Variants in KCNG3 observed in about 807,000 individuals in gnomAD.
KCNG3 encodes the protein voltage-gated potassium channel regulatory subunit KCNG3.
KCNG3 carries 15 observed loss-of-function variants against 29.0 expected under a neutral mutation model. The ratio of observed to expected loss-of-function variants is 0.52; its 90% CI spans 0.35 to 0.80. The LOEUF is 0.80. Ranked by LOEUF, KCNG3 falls within the 30% of genes least tolerant of loss-of-function variation. The pLI is 0.01. For missense variants in KCNG3, 512 were observed against 605.7 expected, an observed-to-expected ratio of 0.85 and a Z score of 1.62; for synonymous variants, 322 against 248.9, an observed-to-expected ratio of 1.29 and a Z score of -2.76.
chr2:42,478,680 C>T (rs981012941), intron 1 of KCNG3, among the ~76,000 whole-genome samples: 14 of 152,156 alleles, frequency 9.2e-5, no homozygotes, highest in South Asian at 2.1e-4. Flanking sequence ...GTTCTGTCCC[C>T]CACCTGCACT....
chr2:42,451,320 G>A (rs920486116), intron 1 of KCNG3, among the ~76,000 whole-genome samples: 1 of 151,224 alleles, frequency 6.6e-6, no homozygotes, highest in Admixed American at 6.6e-5. Context: ...ACACACACCT[G>A]TAATCTCAGC....
the KCNG3 span, among the ~76,000 whole-genome samples, chr2:42,429,048 G>A: frequency 3.3e-5 from 5 of 152,170 alleles, no homozygotes; most frequent in African/African-American, 4.8e-5. Context: ...GAACCCAGGA[G>A]GGGGAGGTTG....
chr2:42,395,146 C>T, the KCNG3 span, among the ~76,000 whole-genome samples: 3 of 152,152 alleles, frequency 2.0e-5, no homozygotes, highest in East Asian at 1.9e-4. Context: ...TCTAATTCAT[C>T]GGTTATAGAT....
chr2:42,455,726 T>C (rs1672860297), intron 1 of KCNG3, among the ~76,000 whole-genome samples: 1 of 151,968 alleles, frequency 6.6e-6, no homozygotes, highest in East Asian at 1.9e-4. Context: ...CTATGACTGC[T>C]CCATTACACT....
chr2:42,453,124 G>A (rs1040834114), intron 1 of KCNG3, among the ~76,000 whole-genome samples: 2 of 152,088 alleles, frequency 1.3e-5, no homozygotes, highest in Non-Finnish European at 2.9e-5. Context: ...CCAAATCTTG[G>A]CTAACATGAA....
the KCNG3 span, among the ~76,000 whole-genome samples, chr2:42,409,848 G>A: frequency 1.3e-5 from 2 of 151,018 alleles, no homozygotes; most frequent in Non-Finnish European, 2.9e-5. Context: ...TGGCTATAAC[G>A]TGATTGACAA....
At chr2:42,394,264 G>A in the KCNG3 span, among the ~76,000 whole-genome samples, 2 of 152,168 alleles carry the variant, frequency 1.3e-5, no homozygotes, top group African/African-American at 2.4e-5. Context: ...AACAAAAACT[G>A]CTAAAAAGGC....
At chr2:42,457,354 C>G (rs577951379) in intron 1 of KCNG3, among the ~76,000 whole-genome samples, 1 of 150,916 alleles carries the variant, frequency 6.6e-6, no homozygotes, top group African/African-American at 2.4e-5. Context: ...ATTAGCCAAG[C>G]ATGGGGGCAC....
At chr2:42,388,803 T>C in the KCNG3 span, 3 of 152,250 alleles carry the variant, frequency 2.0e-5, no homozygotes, top group African/African-American at 7.2e-5. Flanking sequence ...CCCAATAGTC[T>C]CACCCGCCTA....
intron 1 of KCNG3, among the ~76,000 whole-genome samples, chr2:42,487,347 CTT>C (rs60025476): frequency 0.53 from 61,943 of 116,854 alleles, 15,517 homozygotes; most frequent in African/African-American, 0.68. Context: ...TTTTTTCTTT[CTT>C]TTTTTTTTTT....
chr2:42,460,824 AC>A (rs972112071), intron 1 of KCNG3, among the ~76,000 whole-genome samples: 12 of 152,258 alleles, frequency 7.9e-5, no homozygotes, highest in African/African-American at 2.9e-4. Flanking sequence ...AAAACATCTT[AC>A]AAAAAAATGG....
rs1672501867 is a variant in KCNG3, at chr2:42,442,195, A to G, written c.*1739T>C. On this transcript the variant is annotated 3_prime_UTR_variant, in exon 2 of 2. Transcript: ENST00000306078. ...TAACTGAATTTCTTTTGGGTATGTA[A>G]GAAGTAGCATACTAGCAGTAATAGG... 6.6e-6 allele frequency: 1 copy of G among 152,222 alleles called. No homozygotes were observed. The highest frequency in any genetic ancestry group is 2.1e-4 in the South Asian group (1 of 4,834). 9.4% of individuals were successfully genotyped at this position (152,222 alleles called of 1,614,324 possible).
intron 1 of KCNG3, among the ~76,000 whole-genome samples, chr2:42,477,388 T>TACACACACACACAC (rs1210808896): frequency 2.8e-4 from 29 of 104,782 alleles, no homozygotes; most frequent in African/African-American, 9.9e-4. Flanking sequence ...CACATATATA[T>TACACACACACACAC]ACACACACAC....
chr2:42,413,398 T>C, the KCNG3 span, among the ~76,000 whole-genome samples: 62 of 152,280 alleles, frequency 4.1e-4, no homozygotes, highest in African/African-American at 1.5e-3. Context: ...TGGATATAGA[T>C]TGGCCATCTT....
chr2:42,454,802 A>G (rs1387982563), intron 1 of KCNG3, among the ~76,000 whole-genome samples: 2 of 152,236 alleles, frequency 1.3e-5, no homozygotes, highest in Non-Finnish European at 2.9e-5. Flanking sequence ...CAAAAAGACA[A>G]ATACACTGTG....
the KCNG3 span, among the ~76,000 whole-genome samples, chr2:42,414,910 C>T: frequency 6.6e-6 from 1 of 152,220 alleles, no homozygotes; most frequent in Non-Finnish European, 1.5e-5. Context: ...GATCTTACTT[C>T]ACTGATACCA....
chr2:42,403,622 T>C, the KCNG3 span, among the ~76,000 whole-genome samples: 1 of 73,930 alleles, frequency 1.4e-5, no homozygotes, highest in Non-Finnish European at 2.6e-5. Context: ...CTTTTTTTTC[T>C]TTTTTTTTTT....
chr2:42,449,064 T>C (rs1672681619), intron 1 of KCNG3, among the ~76,000 whole-genome samples: 1 of 152,124 alleles, frequency 6.6e-6, no homozygotes, highest in South Asian at 2.1e-4. Context: ...CTGAGGGACT[T>C]GAGTATGTTC....
the KCNG3 span, among the ~76,000 whole-genome samples, chr2:42,415,261 C>G: frequency 1.3e-5 from 2 of 152,264 alleles, no homozygotes; most frequent in South Asian, 4.1e-4. Flanking sequence ...ATAGTGAGGT[C>G]TCATATGTAC....
Sources: gnomAD v4.1 joint callset for allele counts (sites outside exome capture counted in the v4.1 genomes callset) on GRCh38, gnomAD v4.1.1 for gene constraint, MANE v1.5 for transcripts, NCBI Gene and HGNC (gene_info 2026-07-23, HGNC 2026-07-21) for gene names.